The following FHIT variants were observed in gnomAD, a reference collection of about 807,000 sequenced individuals.
FHIT encodes the protein bis(5'-adenosyl)-triphosphatase.
Under a neutral mutation model 17.9 loss-of-function variants are expected in FHIT, and 19 were observed. The ratio of observed to expected loss-of-function variants is 1.06; its 90% CI spans 0.74 to 1.56. The LOEUF (loss-of-function observed/expected upper bound fraction) is 1.56, where lower values mean the gene tolerates loss of function less well. FHIT is among the 40% of genes most tolerant of loss of function. The pLI, the probability that FHIT is intolerant of heterozygous loss-of-function variation, is 0.00. For missense variants in FHIT, 248 were observed against 189.2 expected, an observed-to-expected ratio of 1.31 and a Z score of -1.82; for synonymous variants, 81 against 69.7, an observed-to-expected ratio of 1.16 and a Z score of -0.81.
chr3:59,981,410 G>C (rs1208097155), intron 7 of FHIT, among the ~76,000 whole-genome samples: 2 of 152,110 alleles, frequency 1.3e-5, no homozygotes, highest in East Asian at 3.9e-4. Context: ...ATGGGCCATT[G>C]CTTCTGTGAC....
intron 3 of FHIT, among the ~76,000 whole-genome samples, chr3:60,934,124 C>T (rs1361391104): frequency 5.3e-5 from 8 of 151,990 alleles, no homozygotes; most frequent in East Asian, 1.9e-4. Flanking sequence ...GGAATCTTGA[C>T]CAGAATGAAA....
At chr3:60,353,935 C>A (rs201071830) in intron 5 of FHIT, among the ~76,000 whole-genome samples, 23 of 152,044 alleles carry the variant, frequency 1.5e-4, no homozygotes, top group Admixed American at 8.5e-4. Context: ...AAAACCTTAA[C>A]AAATTTTATA....
intron 5 of FHIT, among the ~76,000 whole-genome samples, chr3:60,509,060 G>A (rs930448150): frequency 6.6e-6 from 1 of 151,960 alleles, no homozygotes; most frequent in East Asian, 1.9e-4. Flanking sequence ...TTCTTTTGGG[G>A]TACCTGCAAC....
At chr3:60,731,095 C>T (rs1324065899) in intron 4 of FHIT, among the ~76,000 whole-genome samples, 1 of 152,108 alleles carries the variant, frequency 6.6e-6, no homozygotes, top group Non-Finnish European at 1.5e-5. Flanking sequence ...CTCGCCACTA[C>T]ACTCCAGCCT....
intron 5 of FHIT, among the ~76,000 whole-genome samples, chr3:60,242,282 G>A (rs1705167777): frequency 6.6e-6 from 1 of 151,792 alleles, no homozygotes; most frequent in Non-Finnish European, 1.5e-5. Context: ...TATTTTCAGA[G>A]GAAATTTGTT....
At chr3:60,924,756 C>G (rs1553769398) in intron 3 of FHIT, among the ~76,000 whole-genome samples, 1 of 151,950 alleles carries the variant, frequency 6.6e-6, no homozygotes, top group East Asian at 1.9e-4. Context: ...GATCAAACTA[C>G]TCCGACCTAA....
intron 5 of FHIT, among the ~76,000 whole-genome samples, chr3:60,138,502 T>TAATA (rs1699908067): frequency 6.6e-6 from 1 of 152,192 alleles, no homozygotes; most frequent in Non-Finnish European, 1.5e-5. Flanking sequence ...CACAAGTTAA[T>TAATA]AATAACCTTT....
intron 4 of FHIT, among the ~76,000 whole-genome samples, chr3:60,723,310 C>T (rs1428337312): frequency 1.3e-5 from 2 of 151,912 alleles, no homozygotes; most frequent in Non-Finnish European, 2.9e-5. Flanking sequence ...GGCCTGTTTG[C>T]AATGTTGGCC....
chr3:60,354,806 T>C (rs1156845885), intron 5 of FHIT, among the ~76,000 whole-genome samples: 1 of 152,202 alleles, frequency 6.6e-6, no homozygotes, highest in African/African-American at 2.4e-5. Context: ...ATCAGTAGTA[T>C]ACTTTATTCT....
At chr3:60,167,923 T>C (rs989032191) in intron 5 of FHIT, among the ~76,000 whole-genome samples, 1 of 151,770 alleles carries the variant, frequency 6.6e-6, no homozygotes. Flanking sequence ...TCCCAGCTTT[T>C]TGGAGGGGGA....
At chr3:59,864,593 C>T (rs1035631778) in intron 8 of FHIT, among the ~76,000 whole-genome samples, 1 of 151,662 alleles carries the variant, frequency 6.6e-6, no homozygotes, top group Non-Finnish European at 1.5e-5. Context: ...TCTGGCTGAT[C>T]TAGTATACAA....
At chr3:60,210,414 T>C (rs1259678746) in intron 5 of FHIT, among the ~76,000 whole-genome samples, 1 of 152,088 alleles carries the variant, frequency 6.6e-6, no homozygotes, top group African/African-American at 2.4e-5. Context: ...TAACAATTAT[T>C]TAAAATCCCA....
intron 4 of FHIT, among the ~76,000 whole-genome samples, chr3:60,548,593 A>T (rs369828290): frequency 1.7e-4 from 26 of 152,312 alleles, no homozygotes; most frequent in African/African-American, 5.8e-4. Context: ...TGGAAGAAAA[A>T]GAGCGCATAT....
intron 8 of FHIT, among the ~76,000 whole-genome samples, chr3:59,854,814 GAGC>G (rs1702086243): frequency 6.6e-6 from 1 of 150,836 alleles, no homozygotes; most frequent in Non-Finnish European, 1.5e-5. Flanking sequence ...AGAGAGAGAG[GAGC>G]CAGACTGCCC....
intron 7 of FHIT, among the ~76,000 whole-genome samples, chr3:59,972,397 C>T (rs915819957): frequency 1.3e-5 from 2 of 152,126 alleles, no homozygotes; most frequent in African/African-American, 4.8e-5. Context: ...CATCCCCAGA[C>T]TATTCCTTGG....
At chr3:60,428,587 A>G (rs745913211) in intron 5 of FHIT, among the ~76,000 whole-genome samples, 6 of 152,158 alleles carry the variant, frequency 3.9e-5, no homozygotes, top group African/African-American at 7.2e-5. Flanking sequence ...AGCAATAAAC[A>G]TTGATAAAGA....
At chr3:60,211,239 T>C (rs1324060876) in intron 5 of FHIT, among the ~76,000 whole-genome samples, 1 of 151,908 alleles carries the variant, frequency 6.6e-6, no homozygotes, top group Non-Finnish European at 1.5e-5. Context: ...AACACAAATA[T>C]AAATGTATTT....
chr3:60,782,561 G>T (rs1008581713), intron 4 of FHIT, among the ~76,000 whole-genome samples: 1 of 151,966 alleles, frequency 6.6e-6, no homozygotes, highest in Non-Finnish European at 1.5e-5. Context: ...CTTTTCTTTC[G>T]GCCCTTAAGT....
At chr3:60,224,644 C>A (rs213412) in intron 5 of FHIT, among the ~76,000 whole-genome samples, 49,049 of 151,896 alleles carry the variant, frequency 0.32, 8,184 homozygotes, top group Admixed American at 0.36. Flanking sequence ...TCCACCCAAA[C>A]CATAATCTCC....
Sources: allele counts gnomAD v4.1 joint callset (sites outside exome capture counted in the v4.1 genomes callset), GRCh38; gene constraint gnomAD v4.1.1; transcripts MANE v1.5; gene names NCBI Gene and HGNC (gene_info 2026-07-23, HGNC 2026-07-21).